PROSER2: variants seen among roughly 807,000 people sequenced by gnomAD.
The protein encoded by PROSER2 is proline and serine rich 2, also known as proline and serine-rich protein 2.
PROSER2 carries 18 observed loss-of-function variants against 14.6 expected under a neutral mutation model. That is an observed-to-expected ratio of 1.23 (90% CI 0.85 to 1.83). The LOEUF (loss-of-function observed/expected upper bound fraction) is 1.83, where lower values mean the gene tolerates loss of function less well. Ranked by LOEUF, PROSER2 falls within the 40% of genes most tolerant of loss-of-function variation. The pLI is 0.00. For missense variants in PROSER2, 823 were observed against 629.8 expected, an observed-to-expected ratio of 1.31 and a Z score of -3.28; for synonymous variants, 367 against 286.4, an observed-to-expected ratio of 1.28 and a Z score of -2.84.
chr10:11,858,302 C>G (rs1018328718), intron 2 of PROSER2, among the ~76,000 whole-genome samples: 2 of 152,160 alleles, frequency 1.3e-5, no homozygotes, highest in Non-Finnish European at 1.5e-5. Context: ...TTTGTTCAAC[C>G]AACCAAAGAT....
At chr10:11,857,987 T>C (rs1834156597) in intron 2 of PROSER2, among the ~76,000 whole-genome samples, 1 of 152,134 alleles carries the variant, frequency 6.6e-6, no homozygotes, top group Non-Finnish European at 1.5e-5. Flanking sequence ...AGAGCTGGAA[T>C]GCAATGGCAC....
rs1042387545 is a variant in PROSER2 at position 11,870,563 on chromosome 10, C to T, written c.*157C>T. 1.2e-5 allele frequency: 7 copies of T among 594,526 alleles called. No homozygotes were observed. In the East Asian group the frequency reaches 2.5e-4, roughly 21 times the overall value. 36.8% of individuals were successfully genotyped at this position (594,526 alleles called of 1,614,324 possible). A position where few individuals can be genotyped will look rare whatever the true frequency, so the allele number is the denominator to read the frequency against. On this transcript the variant is annotated 3_prime_UTR_variant, in exon 4 of 4. Transcript: ENST00000277570. ...GAGTCTAGAGGTGCCTGGCTGGGGC[C>T]TCCTGGCTGAGCACGCACCGCAAGC...
Position 11,870,452 on chromosome 10 carries a change from A to C in PROSER2, c.*46A>C. The C allele has an allele frequency of 7.4e-7, 1 of 1,356,064 alleles. No individual in the cohort carries two copies. The highest frequency in any genetic ancestry group is 9.7e-7 in the Non-Finnish European group (1 of 1,034,240). 84.0% of individuals were successfully genotyped at this position (1,356,064 alleles called of 1,614,324 possible). The stretch of plus-strand genomic sequence containing the variant: ...CACCCCGTTTCTCCCCACCCTGAAG[A>C]GAGGGTGAAAGAGTCGCTGCACCCA... On this transcript the variant is annotated 3_prime_UTR_variant, in exon 4 of 4. Transcript: ENST00000277570.
At position 11,856,334 on chromosome 10, in the gene PROSER2, C is replaced by T. The variant is rs1348291197; in HGVS notation, c.138+4119C>T. ...ACCCCCTGGGTGCACGGCGAGGGCA[C>T]GGTGCTGCCTCACACCAGCGTTCCC... is the stretch of plus-strand genomic sequence containing the variant. On this transcript the variant is annotated intron_variant, in intron 2 of 3. Coordinates refer to ENST00000277570, the MANE Select transcript of PROSER2 (RefSeq NM_153256.4). This position sits in a 1 kb window ranked among gnomAD's most constrained non-coding sequence, Gnocchi z 5.3. Among the ~76,000 whole-genome samples the T allele has an allele frequency of 2.0e-5, 3 of 152,306 alleles. No individual in the cohort carries two copies. Among genetic ancestry groups the T allele is most frequent in the East Asian group, 1.9e-4 (1 of 5,190 alleles).
At chr10:11,853,183 C>T (rs1046923524) in intron 2 of PROSER2, among the ~76,000 whole-genome samples, 5 of 152,302 alleles carry the variant, frequency 3.3e-5, no homozygotes, top group Non-Finnish European at 1.5e-5. Flanking sequence ...GCCTCAGTTA[C>T]GCTGAAGCTA....
chr10:11,857,743 TAAA>T (rs374000135), intron 2 of PROSER2, among the ~76,000 whole-genome samples: 14 of 106,554 alleles, frequency 1.3e-4, no homozygotes, highest in Non-Finnish European at 5.3e-5. Context: ...AGACCCCATC[TAAA>T]AAAAAAAAAA....
chr10:11,832,083 G>A (rs576945237), intron 1 of PROSER2, among the ~76,000 whole-genome samples: 2 of 152,302 alleles, frequency 1.3e-5, no homozygotes, highest in African/African-American at 4.8e-5. Context: ...TTTAAAATCT[G>A]TGTTTAAGGT....
chr10:11,836,826 T>C lies in PROSER2; in HGVS notation c.-82+13356T>C, dbSNP rs771336919. ...AAACCTATACCGAAGTCCTCTCTTA[T>C]ACACGGTTTTGCTTTCCATAGTTTC... is the stretch of plus-strand genomic sequence containing the variant. On this transcript the variant is annotated intron_variant, in intron 1 of 3. Coordinates refer to ENST00000277570, the MANE Select transcript of PROSER2 (RefSeq NM_153256.4). The surrounding 1 kb of genome is among the most constrained non-coding windows in gnomAD (Gnocchi z 4.6). Among the ~76,000 whole-genome samples, 1 of 152,242 alleles carries C rather than the reference T, an allele frequency of 6.6e-6. No individual in the cohort carries two copies. Among genetic ancestry groups the C allele is most frequent in the Non-Finnish European group, 1.5e-5 (1 of 68,032 alleles).
chr10:11,846,942 G>T (rs1394273161), intron 1 of PROSER2, among the ~76,000 whole-genome samples: 1 of 151,738 alleles, frequency 6.6e-6, no homozygotes, highest in Non-Finnish European at 1.5e-5. Flanking sequence ...TGGGGTCGGG[G>T]GGCATCTCTA....
intron 1 of PROSER2, among the ~76,000 whole-genome samples, chr10:11,842,480 T>C (rs560843243): frequency 2.6e-5 from 4 of 152,232 alleles, no homozygotes; most frequent in African/African-American, 9.6e-5. Flanking sequence ...TGAATGCTTA[T>C]ACAATTTTAA....
In PROSER2 at chr10:11,861,363, C is replaced by T. The variant is rs114991770; in HGVS notation, c.139-5168C>T. ...GGCTCACCTTGTCATAGGAGTTCCA[C>T]ACTCTAGGGCAGTTGCTGATCTTAT... On this transcript the variant is annotated intron_variant, in intron 2 of 3. Transcript: ENST00000277570. 3.3e-3 allele frequency among the ~76,000 whole-genome samples: 505 copies of T among 152,278 alleles called. 6 individuals are homozygous for T. The highest frequency in any genetic ancestry group is 0.012 in the African/African-American group (478 of 41,560).
In PROSER2 at chr10:11,836,627, G is replaced by A. The variant is rs1011411410; in HGVS notation, c.-82+13157G>A. 2.6e-5 allele frequency among the ~76,000 whole-genome samples: 4 copies of A among 152,184 alleles called. No homozygotes were observed. Among genetic ancestry groups the A allele is most frequent in the African/African-American group, 9.7e-5 (4 of 41,422 alleles). ...TGTAGGTGTGCACTTTGACCCTGCT[G>A]TAGTGTGTAAGTATGCTCACTGACC... On this transcript the variant is annotated intron_variant, in intron 1 of 3. Coordinates refer to ENST00000277570, the MANE Select transcript of PROSER2 (RefSeq NM_153256.4). This position sits in a 1 kb window ranked among gnomAD's most constrained non-coding sequence, Gnocchi z 4.6.
Position 11,870,144 on chromosome 10 carries a change from A to C in PROSER2, c.1046A>C (p.His349Pro). 7.0e-7 allele frequency: 1 copy of C among 1,424,546 alleles called. No homozygotes were observed. The highest frequency in any genetic ancestry group is 9.1e-7 in the Non-Finnish European group (1 of 1,095,366). 88.2% of individuals were successfully genotyped at this position (1,424,546 alleles called of 1,614,324 possible). A position where few individuals can be genotyped will look rare whatever the true frequency, so the allele number is the denominator to read the frequency against. Residue 349 changes from histidine to proline, a missense_variant, in exon 4 of 4, where the codon CAC (histidine) becomes CCC (proline). His to Pro is a moderately conservative substitution (Grantham distance 77, BLOSUM62 -2). Transcript: ENST00000277570. Reference sequence around the variant, plus strand: ...CTGGCCAACGGCTTCCCAAGTGCGCACGAGGCCCTGAAGAGCGCACCCAGC... The same window carrying C: ...CTGGCCAACGGCTTCCCAAGTGCGCCCGAGGCCCTGAAGAGCGCACCCAGC... Reference protein sequence around the residue: ...PALANGFPSAHEALKSAPSSF... With the variant: ...PALANGFPSAPEALKSAPSSF...
chr10:11,826,763 G>T (rs1405393501), intron 1 of PROSER2, among the ~76,000 whole-genome samples: 1 of 151,924 alleles, frequency 6.6e-6, no homozygotes, highest in Non-Finnish European at 1.5e-5. Context: ...TGTATTTTTA[G>T]TAGAGTCGGG....
Position 11,852,000 on chromosome 10 carries a change from T to G in PROSER2, c.-78T>G. On this transcript the variant is annotated 5_prime_UTR_variant, in exon 2 of 4. Coordinates refer to ENST00000277570, the MANE Select transcript of PROSER2 (RefSeq NM_153256.4). ...CATTCGTGTTTGGTGTCTCTAGGAG[T>G]GAGCTGTTGCCGCAGAATGGGCTGC... 1 of 1,480,922 alleles carries G rather than the reference T, an allele frequency of 6.8e-7. No individual in the cohort carries two copies. Among genetic ancestry groups the G allele is most frequent in the Non-Finnish European group, 9.0e-7 (1 of 1,110,956 alleles). 91.7% of individuals were successfully genotyped at this position (1,480,922 alleles called of 1,614,324 possible). A position where few individuals can be genotyped will look rare whatever the true frequency, so the allele number is the denominator to read the frequency against.
chr10:11,843,355 C>A (rs1833877365), intron 1 of PROSER2, among the ~76,000 whole-genome samples: 1 of 150,168 alleles, frequency 6.7e-6, no homozygotes, highest in South Asian at 2.1e-4. Context: ...GAGTTCAAGA[C>A]CAGCCTGGCC....
intron 2 of PROSER2, among the ~76,000 whole-genome samples, chr10:11,858,761 A>G (rs1834172736): frequency 6.6e-6 from 1 of 152,142 alleles, no homozygotes; most frequent in African/African-American, 2.4e-5. Context: ...CTATAATCCC[A>G]GCACTTTGGG....
chr10:11,831,015 T>G (rs957639164), intron 1 of PROSER2, among the ~76,000 whole-genome samples: 1 of 152,226 alleles, frequency 6.6e-6, no homozygotes, highest in African/African-American at 2.4e-5. Flanking sequence ...GTTTCATGCT[T>G]TGGATTCCCA....
At chr10:11,864,423 C>T (rs541128779) in intron 2 of PROSER2, among the ~76,000 whole-genome samples, 3 of 152,152 alleles carry the variant, frequency 2.0e-5, no homozygotes, top group Non-Finnish European at 2.9e-5. Flanking sequence ...TTTTAACATG[C>T]GCTCTCTCTA....
Sources: allele counts gnomAD v4.1 joint callset (sites outside exome capture counted in the v4.1 genomes callset), GRCh38; gene constraint gnomAD v4.1.1; non-coding constraint Gnocchi (gnomAD v3.1); transcripts MANE v1.5; gene names NCBI Gene and HGNC (gene_info 2026-07-23, HGNC 2026-07-21).